The following MCU variants were observed in gnomAD, a reference collection of about 807,000 sequenced individuals.
The protein encoded by MCU is mitochondrial calcium uniporter.
In MCU, 12 loss-of-function variants were observed where a neutral mutation model predicts 45.2. The ratio of observed to expected loss-of-function variants is 0.27; its 90% confidence interval spans 0.17 to 0.43. The LOEUF is 0.43. Among genes scored for constraint, MCU ranks in the 20% least tolerant of loss-of-function variants. The pLI, the probability that MCU is intolerant of heterozygous loss-of-function variation, is 1.00. For synonymous variants in MCU, 160 were observed against 165.1 expected (o/e 0.97, Z 0.24); for missense variants, 324 against 436.7 (o/e 0.74, Z 2.30).
intron 1 of MCU, among the ~76,000 whole-genome samples, chr10:72,716,659 G>A (rs957513812): frequency 3.9e-5 from 6 of 151,926 alleles, no homozygotes; most frequent in Non-Finnish European, 8.8e-5. Context: ...CGAGGTGTGA[G>A]GATCGCTGGA....
chr10:72,805,268 A>C (rs1376623546), intron 1 of MCU, among the ~76,000 whole-genome samples: 1 of 126,286 alleles, frequency 7.9e-6, no homozygotes, highest in African/African-American at 3.1e-5. Context: ...TTTTTTTTGG[A>C]GACAGGGTCT....
chr10:72,820,958 GAATAA>G (rs1218375970), intron 1 of MCU, among the ~76,000 whole-genome samples: 1 of 151,730 alleles, frequency 6.6e-6, no homozygotes, highest in East Asian at 1.9e-4. Context: ...AGACTCCAGA[GAATAA>G]TCTGCCCTTT....
At chr10:72,708,773 A>G (rs1472567872) in intron 1 of MCU, among the ~76,000 whole-genome samples, 2 of 152,240 alleles carry the variant, frequency 1.3e-5, no homozygotes, top group Non-Finnish European at 2.9e-5. Flanking sequence ...CTCTTAAAAC[A>G]GTTTCGATTG....
intron 4 of MCU, chr10:72,861,686 G>T: frequency 2.7e-6 from 1 of 373,068 alleles, no homozygotes; most frequent in South Asian, 2.0e-5. Context: ...TAGTAGAGAT[G>T]GGGTTTTGCC....
chr10:72,694,306 T>G (rs1262686645), intron 1 of MCU, among the ~76,000 whole-genome samples: 1 of 152,206 alleles, frequency 6.6e-6, no homozygotes, highest in Admixed American at 6.5e-5. Flanking sequence ...AAATTCCATT[T>G]AAAAGATATT....
intron 2 of MCU, among the ~76,000 whole-genome samples, chr10:72,856,349 A>G (rs545215045): frequency 3.5e-4 from 54 of 152,294 alleles, no homozygotes; most frequent in Non-Finnish European, 6.5e-4. Context: ...GTAAGAATGT[A>G]TTTTGTTATT....
At chr10:72,709,753 A>G (rs980211902) in intron 1 of MCU, among the ~76,000 whole-genome samples, 1 of 152,222 alleles carries the variant, frequency 6.6e-6, no homozygotes, top group Admixed American at 6.5e-5. Context: ...TTAAACGTTA[A>G]AATGCTGCCT....
chr10:72,851,168 C>G (rs1028078944), intron 2 of MCU, among the ~76,000 whole-genome samples: 2 of 152,160 alleles, frequency 1.3e-5, no homozygotes. Context: ...TTCTCAAAAG[C>G]TTTCTTATTT....
Position 72,879,469 on chromosome 10 carries a change from A to G in MCU, c.862-4797A>G, listed in dbSNP as rs533127239. 2.0e-5 allele frequency among the ~76,000 whole-genome samples: 3 copies of G among 152,344 alleles called. No homozygotes were observed. In the South Asian group the frequency reaches 6.2e-4, roughly 32 times the overall value. On this transcript the variant is annotated intron_variant, in intron 6 of 7. Coordinates refer to ENST00000373053, the MANE Select transcript of MCU (RefSeq NM_138357.3). ...GGAATAGTATCTTCAATTTCTAGAAAGAAAATAACTGTCATCTTAGACTTC... is the reference window on the plus strand; with the variant it reads ...GGAATAGTATCTTCAATTTCTAGAAGGAAAATAACTGTCATCTTAGACTTC...
chr10:72,697,102 A>G (rs1057010082), intron 1 of MCU, among the ~76,000 whole-genome samples: 2 of 152,150 alleles, frequency 1.3e-5, no homozygotes, highest in African/African-American at 4.8e-5. Context: ...ATGTTTAAGA[A>G]CAGACTTCTT....
Position 72,783,516 on chromosome 10 carries a change from T to C in MCU, c.151-50843T>C, listed in dbSNP as rs1362598119. On this transcript the variant is annotated intron_variant, in intron 1 of 7. Coordinates refer to ENST00000373053, the MANE Select transcript of MCU (RefSeq NM_138357.3). The stretch of plus-strand genomic sequence containing the variant: ...CATCTAGGAGGCTTTGCATATGCCA[T>C]GTGAATCCTCTCTTCCTAGGAGAGT... Among the ~76,000 whole-genome samples, 3 of 152,174 alleles carry C rather than the reference T, an allele frequency of 2.0e-5. No individual in the cohort carries two copies. In the East Asian group the frequency reaches 5.8e-4, roughly 29 times the overall value.
chr10:72,819,546 T>C (rs1431897519), intron 1 of MCU, among the ~76,000 whole-genome samples: 1 of 152,184 alleles, frequency 6.6e-6, no homozygotes, highest in Non-Finnish European at 1.5e-5. Flanking sequence ...ATTCTAAGTA[T>C]TTATCACTTT....
intron 1 of MCU, among the ~76,000 whole-genome samples, chr10:72,771,611 CTT>C (rs1843809951): frequency 6.6e-6 from 1 of 152,118 alleles, no homozygotes; most frequent in Admixed American, 6.5e-5. Context: ...TGTTTCAACA[CTT>C]AGAATGTCAT....
chr10:72,824,594 G>A (rs764566419), intron 1 of MCU, among the ~76,000 whole-genome samples: 9 of 152,074 alleles, frequency 5.9e-5, no homozygotes, highest in African/African-American at 9.7e-5. Context: ...TATTTTATTT[G>A]TAATTAGGTA....
intron 1 of MCU, among the ~76,000 whole-genome samples, chr10:72,733,698 TA>T (rs1344825516): frequency 0.32 from 44,320 of 139,616 alleles, 7,546 homozygotes; most frequent in African/African-American, 0.49. Flanking sequence ...TATATATATA[TA>T]TATATTTTTT....
intron 1 of MCU, among the ~76,000 whole-genome samples, chr10:72,820,269 C>A (rs1357238930): frequency 1.7e-4 from 26 of 152,148 alleles, no homozygotes; most frequent in Non-Finnish European, 5.9e-5. Context: ...ACCATAGGAA[C>A]TATTTATTAG....
intron 1 of MCU, among the ~76,000 whole-genome samples, chr10:72,732,375 T>C (rs1843188381): frequency 6.6e-6 from 1 of 152,244 alleles, no homozygotes; most frequent in African/African-American, 2.4e-5. Flanking sequence ...AGAATGTTTT[T>C]TCAAAGAAGG....
intron 1 of MCU, among the ~76,000 whole-genome samples, chr10:72,794,696 A>G (rs1238141459): frequency 6.6e-6 from 1 of 152,204 alleles, no homozygotes; most frequent in Non-Finnish European, 1.5e-5. Context: ...CCAAATTTCT[A>G]AAAGATAAGC....
intron 1 of MCU, among the ~76,000 whole-genome samples, chr10:72,820,628 A>C (rs1406194383): frequency 6.6e-6 from 1 of 151,444 alleles, no homozygotes; most frequent in Non-Finnish European, 1.5e-5. Flanking sequence ...CTCCTGCCTC[A>C]GTCTCTCGAG....
Sources: allele counts gnomAD v4.1 joint callset (sites outside exome capture counted in the v4.1 genomes callset), GRCh38; gene constraint gnomAD v4.1.1; transcripts MANE v1.5; gene names NCBI Gene and HGNC (gene_info 2026-07-23, HGNC 2026-07-21).